The following SYNPR variants were observed in gnomAD, a reference collection of about 807,000 sequenced individuals.
The protein encoded by SYNPR is synaptoporin.
A neutral mutation model predicts 32.9 loss-of-function variants in SYNPR; 23 were observed. The ratio of observed to expected loss-of-function variants is 0.70; its 90% CI spans 0.50 to 0.99. The LOEUF (loss-of-function observed/expected upper bound fraction) is 0.99, where lower values mean the gene tolerates loss of function less well. SYNPR is among the 50% of genes least tolerant of loss of function. The pLI, the probability that SYNPR is intolerant of heterozygous loss-of-function variation, is 0.00. For synonymous variants in SYNPR, 146 were observed against 135.9 expected, an observed-to-expected ratio of 1.07 and a Z score of -0.52; for missense variants, 318 against 349.3, an observed-to-expected ratio of 0.91 and a Z score of 0.71.
upstream of SYNPR, among the ~76,000 whole-genome samples, chr3:63,275,619 T>C (rs915157963): frequency 2.6e-5 from 4 of 152,194 alleles, no homozygotes; most frequent in Non-Finnish European, 5.9e-5. Flanking sequence ...ATATTTTAAA[T>C]AAGTCTCTTT....
intron 4 of SYNPR, among the ~76,000 whole-genome samples, chr3:63,562,297 C>T (rs1230348116): frequency 6.6e-6 from 1 of 152,160 alleles, no homozygotes; most frequent in African/African-American, 2.4e-5. Flanking sequence ...ACTTATCTTA[C>T]AAGACTGACA....
intron 2 of SYNPR, among the ~76,000 whole-genome samples, chr3:63,413,577 G>T (rs2088498024): frequency 6.6e-6 from 1 of 152,126 alleles, no homozygotes; most frequent in African/African-American, 2.4e-5. Context: ...ATCAAGAAAA[G>T]ACCCTTAGAA....
chr3:63,581,263 G>A (rs865987521), intron 4 of SYNPR, among the ~76,000 whole-genome samples: 1 of 152,132 alleles, frequency 6.6e-6, no homozygotes, highest in East Asian at 1.9e-4. Context: ...GCACTGCGTT[G>A]AGAACCATTA....
upstream of SYNPR, among the ~76,000 whole-genome samples, chr3:63,276,380 T>C (rs1381902703): frequency 1.3e-5 from 2 of 152,170 alleles, no homozygotes; most frequent in Non-Finnish European, 2.9e-5. Context: ...CCTTTGCTTC[T>C]ATAGAAGTGA....
intron 2 of SYNPR, among the ~76,000 whole-genome samples, chr3:63,284,010 G>A (rs1235692436): frequency 6.6e-6 from 1 of 151,704 alleles, no homozygotes; most frequent in African/African-American, 2.4e-5. Flanking sequence ...GGGTTTCACC[G>A]TGTTAGCCAG....
chr3:63,333,284 C>G (rs553485298), intron 2 of SYNPR, among the ~76,000 whole-genome samples: 2 of 151,782 alleles, frequency 1.3e-5, no homozygotes, highest in Admixed American at 6.6e-5. Flanking sequence ...TTCCACACCC[C>G]CTCCTGCTCC....
At chr3:63,230,671 T>C (rs1299568022) in intron 1 of SYNPR, among the ~76,000 whole-genome samples, 1 of 152,174 alleles carries the variant, frequency 6.6e-6, no homozygotes, top group African/African-American at 2.4e-5. Context: ...TAAAGACTTC[T>C]ACCTCTAGTT....
chr3:63,325,130 G>T (rs763668510), intron 2 of SYNPR, among the ~76,000 whole-genome samples: 2 of 152,026 alleles, frequency 1.3e-5, no homozygotes, highest in African/African-American at 4.8e-5. Flanking sequence ...AAAATTCTCT[G>T]CTAGTATAGT....
intron 2 of SYNPR, among the ~76,000 whole-genome samples, chr3:63,480,292 T>C (rs1443083990): frequency 1.3e-5 from 2 of 152,216 alleles, no homozygotes; most frequent in African/African-American, 4.8e-5. Context: ...ACTGAGATCT[T>C]GTGCTCTAAA....
chr3:63,387,503 T>C (rs2088067366), intron 2 of SYNPR, among the ~76,000 whole-genome samples: 1 of 152,248 alleles, frequency 6.6e-6, no homozygotes, highest in Non-Finnish European at 1.5e-5. Flanking sequence ...AGCACCATTA[T>C]GATCCTATGT....
intron 3 of SYNPR, among the ~76,000 whole-genome samples, chr3:63,518,436 CAAGA>C (rs1159721454): frequency 6.6e-6 from 1 of 152,028 alleles, no homozygotes; most frequent in African/African-American, 2.4e-5. Context: ...CTGGAACAAG[CAAGA>C]AAGAGAAGGT....
At chr3:63,333,825 T>C (rs2087255918) in intron 2 of SYNPR, among the ~76,000 whole-genome samples, 1 of 152,228 alleles carries the variant, frequency 6.6e-6, no homozygotes, top group Non-Finnish European at 1.5e-5. Flanking sequence ...CCATCTAATT[T>C]ATTTTTTATC....
chr3:63,422,574 T>C (rs1415202242), intron 2 of SYNPR, among the ~76,000 whole-genome samples: 1 of 152,190 alleles, frequency 6.6e-6, no homozygotes, highest in Non-Finnish European at 1.5e-5. Context: ...CAGTTTGTTA[T>C]ACATCAGTTA....
At chr3:63,257,200 T>G (rs945334419) in intron 2 of SYNPR, among the ~76,000 whole-genome samples, 2 of 152,008 alleles carry the variant, frequency 1.3e-5, no homozygotes, top group African/African-American at 4.8e-5. Flanking sequence ...AAAATTCAAA[T>G]TGAGGAAATA....
At chr3:63,405,146 C>T (rs1274622440) in intron 2 of SYNPR, among the ~76,000 whole-genome samples, 1 of 152,158 alleles carries the variant, frequency 6.6e-6, no homozygotes, top group Non-Finnish European at 1.5e-5. Flanking sequence ...TGTCCTTCCC[C>T]TTTCTCAAGT....
intron 2 of SYNPR, among the ~76,000 whole-genome samples, chr3:63,292,280 C>T (rs1056842691): frequency 3.3e-5 from 5 of 152,122 alleles, no homozygotes; most frequent in African/African-American, 1.2e-4. Context: ...TATTTCAATA[C>T]ATGTATATAG....
At chr3:63,496,291 A>T (rs181888053) in intron 3 of SYNPR, among the ~76,000 whole-genome samples, 12 of 152,048 alleles carry the variant, frequency 7.9e-5, no homozygotes, top group Admixed American at 4.6e-4. Context: ...ATATTATTTT[A>T]CAAGTCATTT....
At chr3:63,487,207 C>T (rs1005958466) in intron 3 of SYNPR, among the ~76,000 whole-genome samples, 10 of 152,052 alleles carry the variant, frequency 6.6e-5, no homozygotes, top group African/African-American at 7.2e-5. Context: ...CTTTTTTACA[C>T]GGTTAAAGCT....
chr3:63,585,033 T>C (rs774311087), intron 4 of SYNPR, among the ~76,000 whole-genome samples: 4 of 152,088 alleles, frequency 2.6e-5, no homozygotes, highest in Admixed American at 6.6e-5. Flanking sequence ...GGACACATCT[T>C]GCTTCTTAAA....
Sources: gnomAD v4.1 joint callset for allele counts (sites outside exome capture counted in the v4.1 genomes callset) on GRCh38, gnomAD v4.1.1 for gene constraint, MANE v1.5 for transcripts, NCBI Gene and HGNC (gene_info 2026-07-23, HGNC 2026-07-21) for gene names.